The following BRINP3 variants were observed in gnomAD, a reference collection of about 807,000 sequenced individuals.
BRINP3 encodes BMP/retinoic acid inducible neural specific 3.
A neutral mutation model predicts 71.0 loss-of-function variants in BRINP3; 19 were observed. That is an observed-to-expected ratio of 0.27 (90% CI 0.19 to 0.39). BRINP3 has a LOEUF of 0.39. Among genes scored for constraint, BRINP3 ranks in the 10% least tolerant of loss-of-function variants. The pLI is 1.00. For synonymous variants in BRINP3, 380 were observed against 337.7 expected (o/e 1.13, Z -1.37); for missense variants, 959 against 940.8 (o/e 1.02, Z -0.25).
At chr1:190,287,488 A>T (rs1206227421) in intron 2 of BRINP3, among the ~76,000 whole-genome samples, 2 of 152,040 alleles carry the variant, frequency 1.3e-5, no homozygotes, top group Non-Finnish European at 2.9e-5. Flanking sequence ...CTTGGGAAAA[A>T]TTTTTGGATG....
At chr1:190,163,581 C>T (rs1171488840) in intron 6 of BRINP3, among the ~76,000 whole-genome samples, 1 of 149,810 alleles carries the variant, frequency 6.7e-6, no homozygotes, top group Non-Finnish European at 1.5e-5. Context: ...TCACAGTCTT[C>T]TTAAAACTTT....
chr1:190,430,152 T>C (rs1674000181), intron 2 of BRINP3, among the ~76,000 whole-genome samples: 1 of 152,170 alleles, frequency 6.6e-6, no homozygotes, highest in Non-Finnish European at 1.5e-5. Context: ...GATGTTTACT[T>C]CAAATTTGAC....
chr1:190,123,215 T>A (rs1021850303), intron 7 of BRINP3, among the ~76,000 whole-genome samples: 8 of 152,116 alleles, frequency 5.3e-5, no homozygotes, highest in African/African-American at 1.9e-4. Context: ...TGGCTCTCTG[T>A]TTCTCAGCAG....
chr1:190,274,374 A>G (rs1369187228), intron 3 of BRINP3, among the ~76,000 whole-genome samples: 1 of 151,432 alleles, frequency 6.6e-6, no homozygotes, highest in Non-Finnish European at 1.5e-5. Flanking sequence ...CAGAAAAAAA[A>G]TTATGTGCAT....
At chr1:190,105,073 T>G (rs996093002) in intron 7 of BRINP3, among the ~76,000 whole-genome samples, 17 of 152,190 alleles carry the variant, frequency 1.1e-4, no homozygotes, top group Admixed American at 2.6e-4. Context: ...ATAAGCTGAT[T>G]ATTAGCTCAG....
intron 4 of BRINP3, among the ~76,000 whole-genome samples, chr1:190,264,172 CCTCT>C (rs937808351): frequency 5.3e-5 from 8 of 151,980 alleles, no homozygotes; most frequent in South Asian, 2.1e-4. Context: ...AACAATTTCT[CCTCT>C]CTGTCTCTCA....
chr1:190,346,202 CA>C (rs1668012181), intron 2 of BRINP3, among the ~76,000 whole-genome samples: 2 of 151,482 alleles, frequency 1.3e-5, no homozygotes, highest in Admixed American at 6.6e-5. Flanking sequence ...TAAAATATAC[CA>C]AAAAACTGCA....
At chr1:190,172,183 T>C (rs1390077578) in intron 6 of BRINP3, among the ~76,000 whole-genome samples, 6 of 148,588 alleles carry the variant, frequency 4.0e-5, no homozygotes, top group Non-Finnish European at 7.4e-5. Flanking sequence ...ATAAAAACAA[T>C]GTGATTAAAT....
intron 2 of BRINP3, among the ~76,000 whole-genome samples, chr1:190,283,716 T>C (rs1368785393): frequency 2.0e-5 from 3 of 150,500 alleles, no homozygotes; most frequent in Non-Finnish European, 4.4e-5. Flanking sequence ...ATCAAATATT[T>C]AAGTCCTAAA....
chr1:190,295,277 G>T (rs1664164319), intron 2 of BRINP3, among the ~76,000 whole-genome samples: 1 of 152,072 alleles, frequency 6.6e-6, no homozygotes, highest in Non-Finnish European at 1.5e-5. Flanking sequence ...AGCTCACTTG[G>T]TTCTGTCCTT....
intron 2 of BRINP3, among the ~76,000 whole-genome samples, chr1:190,364,039 T>C (rs1191947245): frequency 7.1e-6 from 1 of 139,998 alleles, no homozygotes; most frequent in Non-Finnish European, 1.5e-5. Context: ...TTATGTGAAA[T>C]GCAATTCACA....
chr1:190,263,565 A>T (rs2102869383), intron 4 of BRINP3, among the ~76,000 whole-genome samples: 1 of 151,286 alleles, frequency 6.6e-6, no homozygotes, highest in East Asian at 1.9e-4. Context: ...TTATGGATTT[A>T]AGTTGAAAGT....
intron 2 of BRINP3, among the ~76,000 whole-genome samples, chr1:190,295,166 C>T (rs910949780): frequency 1.3e-5 from 2 of 151,992 alleles, no homozygotes; most frequent in African/African-American, 4.8e-5. Context: ...AGGCCTGAGG[C>T]TACGTTAGGC....
At chr1:190,298,599 G>A (rs759089201) in intron 2 of BRINP3, among the ~76,000 whole-genome samples, 3 of 151,890 alleles carry the variant, frequency 2.0e-5, no homozygotes, top group Non-Finnish European at 2.9e-5. Flanking sequence ...AGTAAGTTTC[G>A]AAGTGTGTGG....
At chr1:190,209,148 T>A (rs1655772167) in intron 6 of BRINP3, among the ~76,000 whole-genome samples, 1 of 152,100 alleles carries the variant, frequency 6.6e-6, no homozygotes, top group South Asian at 2.1e-4. Flanking sequence ...CACCAATCTG[T>A]TTTACTCACA....
intron 2 of BRINP3, among the ~76,000 whole-genome samples, chr1:190,289,065 A>C (rs1663654629): frequency 6.6e-6 from 1 of 151,908 alleles, no homozygotes; most frequent in Non-Finnish European, 1.5e-5. Flanking sequence ...CTAACCAATT[A>C]TATATCTGAG....
chr1:190,334,522 G>A (rs1455835811), intron 2 of BRINP3, among the ~76,000 whole-genome samples: 4 of 151,484 alleles, frequency 2.6e-5, no homozygotes, highest in Non-Finnish European at 4.4e-5. Flanking sequence ...CTTATTTGAG[G>A]TGCATGACTC....
chr1:190,383,904 A>T (rs185050191), intron 2 of BRINP3, among the ~76,000 whole-genome samples: 1 of 152,086 alleles, frequency 6.6e-6, no homozygotes, highest in Non-Finnish European at 1.5e-5. Context: ...TTCTTATTCT[A>T]AGCACTTTAC....
In BRINP3 at chr1:190,454,899, T is replaced by C; in HGVS notation, c.-9A>G. 1 of 1,611,024 alleles carries C rather than the reference T, an allele frequency of 6.2e-7. No homozygotes were observed. The highest frequency in any genetic ancestry group is 8.5e-7 in the Non-Finnish European group (1 of 1,177,398). ...CTGCTTCGCCATATCATGCTTCCAC[T>C]GGGGATTTAGAGCCTTCATTCTCTC... is the stretch of plus-strand genomic sequence containing the variant. On this transcript the variant is annotated 5_prime_UTR_variant, in exon 2 of 8. Coordinates refer to ENST00000367462, the MANE Select transcript of BRINP3 (RefSeq NM_199051.3).
Sources: gnomAD v4.1 joint callset for allele counts (sites outside exome capture counted in the v4.1 genomes callset) on GRCh38, gnomAD v4.1.1 for gene constraint, MANE v1.5 for transcripts, NCBI Gene and HGNC (gene_info 2026-07-23, HGNC 2026-07-21) for gene names.